C20orf96: variants seen among roughly 807,000 people sequenced by gnomAD.
C20orf96 encodes the protein uncharacterized protein C20orf96.
In C20orf96, 57 loss-of-function variants were observed where a neutral mutation model predicts 52.6. That is an observed-to-expected ratio of 1.08 (90% confidence interval 0.88 to 1.35). C20orf96 has a LOEUF of 1.35. C20orf96 is among the 40% of genes most tolerant of loss of function. C20orf96 has a pLI of 0.00. For missense variants in C20orf96, 478 were observed against 443.6 expected, an observed-to-expected ratio of 1.08 and a Z score of -0.70; for synonymous variants, 168 against 157.2, an observed-to-expected ratio of 1.07 and a Z score of -0.51.
Position 279,208 on chromosome 20 carries a change from G to T in C20orf96, c.429C>A (p.His143Gln). 6.2e-7 allele frequency: 1 copy of T among 1,608,118 alleles called. No homozygotes were observed. The highest frequency in any genetic ancestry group is 8.5e-7 in the Non-Finnish European group (1 of 1,178,550). The change falls in exon 5 of 11, where the codon CAC (histidine) becomes CAA (glutamine). Residue 143 changes from histidine (H) to glutamine (Q), a missense_variant. Transcript: ENST00000360321. The part of the protein sequence containing the change: ...IQEMENSTTL[H>Q]VRALLQQQDT... ...CCTGCTGCTGCAGCAGGGCCCGCACGTGCAGGGTCGTGCTGTTCTCCATCT... is the reference window on the plus strand; with the variant it reads ...CCTGCTGCTGCAGCAGGGCCCGCACTTGCAGGGTCGTGCTGTTCTCCATCT...
chr20:282,257 C>A (rs6081977), intron 4 of C20orf96, among the ~76,000 whole-genome samples: 8 of 152,202 alleles, frequency 5.3e-5, no homozygotes, highest in Non-Finnish European at 1.2e-4. Flanking sequence ...GCCCCCTAAC[C>A]TTATTCTTAG....
At chr20:273,952 G>GA (rs1441792421) in intron 10 of C20orf96, among the ~76,000 whole-genome samples, 1 of 133,824 alleles carries the variant, frequency 7.5e-6, no homozygotes, top group Non-Finnish European at 1.5e-5. Context: ...AAGAAAGAAA[G>GA]AAGGAAGAAA....
At position 271,280 on chromosome 20, in the gene C20orf96, A is replaced by G; in HGVS notation, c.1032-13T>C. 1.3e-6 allele frequency: 2 copies of G among 1,549,970 alleles called. No individual in the cohort carries two copies. Among genetic ancestry groups the G allele is most frequent in the Non-Finnish European group, 1.7e-6 (2 of 1,146,232 alleles). On this transcript the variant is annotated splice_polypyrimidine_tract_variant and intron_variant, in intron 10 of 10. Coordinates refer to ENST00000360321, the MANE Select transcript of C20orf96 (RefSeq NM_153269.3). ...GTCTGGGGTGCACCTGGTGGGAGGC[A>G]GCACAGAAGGCCATGAGAGACCAGA...
intron 9 of C20orf96, chr20:276,343 G>A: frequency 5.1e-6 from 5 of 985,372 alleles, no homozygotes; most frequent in Non-Finnish European, 6.0e-6. Flanking sequence ...GGCGGGGAAT[G>A]CTCAATCATG....
intron 4 of C20orf96, among the ~76,000 whole-genome samples, chr20:280,159 A>G (rs2012215321): frequency 6.6e-6 from 1 of 152,114 alleles, no homozygotes; most frequent in South Asian, 2.1e-4. Context: ...CTGAGGGTTA[A>G]GTGACTCGCC....
rs1302972237 is a variant in C20orf96 at position 283,992 on chromosome 20, TCCCAGGGTCCAA to T, written c.265_276del (p.Leu89_Gly92del). 1 of 1,614,138 alleles carries T rather than the reference TCCCAGGGTCCAA, an allele frequency of 6.2e-7. No homozygotes were observed. The highest frequency in any genetic ancestry group is 1.3e-5 in the African/African-American group (1 of 75,052). The stretch of plus-strand genomic sequence containing the variant: ...ATTAACCAGATTTTGGCATGCATCT[TCCCAGGGTCCAA>T]CTTCCGCCTTCTATGTAGTTCTCTT... On this transcript the variant is annotated inframe_deletion, in exon 4 of 11. Transcript: ENST00000360321.
At chr20:281,859 C>T (rs1465622153) in intron 4 of C20orf96, among the ~76,000 whole-genome samples, 3 of 152,084 alleles carry the variant, frequency 2.0e-5, no homozygotes, top group African/African-American at 7.2e-5. Flanking sequence ...CCAACTACTC[C>T]GAGAGGCTGA....
In C20orf96 at chr20:290,714, C is replaced by G. The variant is rs934756059; in HGVS notation, c.-104G>C. On this transcript the variant is annotated 5_prime_UTR_variant, in exon 1 of 11. Coordinates refer to ENST00000360321, the MANE Select transcript of C20orf96 (RefSeq NM_153269.3). ...TGTCTCAGTGTAGATCGCGCGGTAA[C>G]CCAGGCCACTCAGAAGTCCCGAGAC... The G allele has an allele frequency of 7.4e-7, 1 of 1,345,056 alleles. No individual in the cohort carries two copies. The highest frequency in any genetic ancestry group is 2.2e-5 in the African/African-American group (1 of 46,434). The allele number at this position is 1,345,056 out of a possible 1,614,324, so 83.3% of individuals were successfully genotyped here.
Position 271,203 on chromosome 20 carries a change from C to T in C20orf96, c.*4G>A, listed in dbSNP as rs1317236709. On this transcript the variant is annotated 3_prime_UTR_variant, in exon 11 of 11. Coordinates refer to ENST00000360321, the MANE Select transcript of C20orf96 (RefSeq NM_153269.3). Reference sequence around the variant, plus strand: ...GAGGGGAGGGCGGCCCATGGCACTGCCATCTAGAAGGGTAGTGGCTCTTCC... The same window carrying T: ...GAGGGGAGGGCGGCCCATGGCACTGTCATCTAGAAGGGTAGTGGCTCTTCC... The T allele has an allele frequency of 6.4e-7, 1 of 1,553,952 alleles. No individual in the cohort carries two copies. The highest frequency in any genetic ancestry group is 1.2e-5 in the South Asian group (1 of 84,142).
intron 3 of C20orf96, among the ~76,000 whole-genome samples, chr20:288,234 G>A (rs1252687969): frequency 1.5e-5 from 2 of 136,220 alleles, no homozygotes; most frequent in East Asian, 2.2e-4. Flanking sequence ...GCCACCCATG[G>A]AAAAGGCTTT....
chr20:279,529 C>T (rs559261634), intron 4 of C20orf96, among the ~76,000 whole-genome samples, 199 bp from the exon 5 acceptor site: 1 of 152,292 alleles, frequency 6.6e-6, no homozygotes, highest in East Asian at 1.9e-4. Flanking sequence ...CGTTCGGAAA[C>T]GCACGTGTAC....
chr20:274,599 T>C (rs13039523), intron 10 of C20orf96, among the ~76,000 whole-genome samples: 73,217 of 151,736 alleles, frequency 0.48, 17,795 homozygotes, highest in Non-Finnish European at 0.52. Context: ...GTGTTCAGAG[T>C]TCAGGTAAAG....
rs1220434810 is a variant in C20orf96 at position 279,273 on chromosome 20, G to A, written c.364C>T (p.Leu122Phe). ...LRELRSRENF[L>F]SKLNRELIET... is the part of the protein sequence containing the mutation. ...ATCAGCTCCCGGTTGAGCTTGCTGA[G>A]GAAGTTCTCACGGCTTCGGAGCTCT... Residue 122 changes from leucine to phenylalanine, a missense_variant, in exon 5 of 11, where the codon CTC becomes TTC. Physicochemically the swap from Leu to Phe is conservative, Grantham distance 22. Coordinates refer to ENST00000360321, the MANE Select transcript of C20orf96 (RefSeq NM_153269.3). 1 of 1,610,824 alleles carries A rather than the reference G, an allele frequency of 6.2e-7. No homozygotes were observed. The highest frequency in any genetic ancestry group is 1.3e-5 in the African/African-American group (1 of 74,854).
chr20:290,348 A>G lies in C20orf96; in HGVS notation c.21-41T>C, dbSNP rs140194424. 4.2e-5 allele frequency: 68 copies of G among 1,608,026 alleles called. No individual in the cohort carries two copies. In the East Asian group the frequency reaches 1.4e-3, roughly 32 times the overall value. ...AAGGGAAAGAACTTCCATTATCCCC[A>G]GCCCAAGGGGCAGCAAGCAGCAATT... On this transcript the variant is annotated intron_variant, in intron 1 of 10. Coordinates refer to ENST00000360321, the MANE Select transcript of C20orf96 (RefSeq NM_153269.3).
intron 1 of C20orf96, 122 bp from the exon 2 acceptor site, chr20:290,429 C>T (rs1468793465): frequency 1.3e-6 from 2 of 1,544,934 alleles, no homozygotes; most frequent in Admixed American, 4.0e-5. Context: ...GACAATAGCC[C>T]CGCGGGAGTG....
chr20:287,660 G>A (rs1312750137), intron 3 of C20orf96, among the ~76,000 whole-genome samples: 1 of 152,082 alleles, frequency 6.6e-6, no homozygotes, highest in Non-Finnish European at 1.5e-5. Context: ...CAGGTGCAGT[G>A]GCTCTCACCT....
At chr20:278,107 C>T (rs56860316) in intron 6 of C20orf96, among the ~76,000 whole-genome samples, 10,386 of 152,294 alleles carry the variant, frequency 0.068, 362 homozygotes, top group East Asian at 0.11. Context: ...GAGTGTGTGC[C>T]TGTAACAATG....
At chr20:277,412 G>A in intron 6 of C20orf96, 29 bp from the exon 7 acceptor site, 1 of 1,610,692 alleles carries the variant, frequency 6.2e-7, no homozygotes, top group Non-Finnish European at 8.5e-7. Context: ...GGTCAGCAGG[G>A]ACAGGAGGCA....
Position 284,018 on chromosome 20 carries a change from T to C in C20orf96, c.251A>G (p.His84Arg), listed in dbSNP as rs766782570. The C allele has an allele frequency of 2.5e-6, 4 of 1,614,194 alleles. No homozygotes were observed. The South Asian group carries it at 4.4e-5, about 18-fold the overall frequency. ...SCQPKNPRELHRRRKLDPGKM... is the reference protein window; with the variant it reads ...SCQPKNPRELRRRRKLDPGKM... Reference sequence around the variant, plus strand: ...CCCAGGGTCCAACTTCCGCCTTCTATGTAGTTCTCTTGGATTCTTCGGCTG... The same window carrying C: ...CCCAGGGTCCAACTTCCGCCTTCTACGTAGTTCTCTTGGATTCTTCGGCTG... The change falls in exon 4 of 11, where the codon CAT becomes CGT. Residue 84 changes from histidine to arginine, a missense_variant. Physicochemically the swap from His to Arg is conservative, Grantham distance 29. Coordinates refer to ENST00000360321, the MANE Select transcript of C20orf96 (RefSeq NM_153269.3).
Sources: gnomAD v4.1 joint callset for allele counts (sites outside exome capture counted in the v4.1 genomes callset) on GRCh38, gnomAD v4.1.1 for gene constraint, MANE v1.5 for transcripts, NCBI Gene and HGNC (gene_info 2026-07-23, HGNC 2026-07-21) for gene names.